RIN2: variants seen among roughly 807,000 people sequenced by gnomAD.
The protein encoded by RIN2 is RAB5 interacting protein 2.
Under a neutral mutation model 78.0 loss-of-function variants are expected in RIN2, and 36 were observed. The ratio of observed to expected loss-of-function variants is 0.46; its 90% CI spans 0.35 to 0.61. The LOEUF (loss-of-function observed/expected upper bound fraction) is 0.61. RIN2 is among the 20% of genes least tolerant of loss of function. The pLI is 0.00. For synonymous variants in RIN2, 466 were observed against 466.8 expected (o/e 1.00, Z 0.02); for missense variants, 1,087 against 1,159.7 (o/e 0.94, Z 0.91).
intron 4 of RIN2, among the ~76,000 whole-genome samples, chr20:19,936,981 C>T (rs1360138712): frequency 1.3e-5 from 2 of 152,120 alleles, no homozygotes; most frequent in African/African-American, 4.8e-5. Context: ...TGTTCTAAGT[C>T]GCTTATAGCG....
chr20:19,825,324 G>A (rs896730622), intron 2 of RIN2, among the ~76,000 whole-genome samples: 11 of 152,138 alleles, frequency 7.2e-5, no homozygotes, highest in African/African-American at 2.7e-4. Context: ...GTCACCCAGC[G>A]GTCTGAGGCC....
chr20:19,924,512 C>T (rs111212270), intron 3 of RIN2, among the ~76,000 whole-genome samples: 461 of 3,690 alleles, frequency 0.12, 26 homozygotes, highest in East Asian at 0.5. Context: ...CCCACCTTCA[C>T]ACTCCCACCT....
intron 5 of RIN2, among the ~76,000 whole-genome samples, chr20:19,958,671 C>A (rs1327456378): frequency 6.6e-6 from 1 of 152,222 alleles, no homozygotes; most frequent in Non-Finnish European, 1.5e-5. Flanking sequence ...GAGTTCGAGA[C>A]CAGCCTGGCC....
intron 9 of RIN2, among the ~76,000 whole-genome samples, chr20:19,984,380 A>G (rs2042562026): frequency 6.6e-6 from 1 of 152,202 alleles, no homozygotes; most frequent in African/African-American, 2.4e-5. Context: ...CATGTGACAT[A>G]CTGAACAGTG....
chr20:19,886,775 A>G (rs1458644696), intron 2 of RIN2: 2 of 1,526,688 alleles, frequency 1.3e-6, no homozygotes, highest in South Asian at 2.5e-5. Flanking sequence ...AGCCTCTCAA[A>G]CTACGGTACC....
chr20:19,808,934 G>A (rs1187273551), intron 2 of RIN2, among the ~76,000 whole-genome samples: 6 of 152,182 alleles, frequency 3.9e-5, no homozygotes, highest in Non-Finnish European at 5.9e-5. Context: ...GGTCCAGGGC[G>A]TGGTCCAAGG....
At chr20:19,969,412 T>C (rs1054084436) in intron 7 of RIN2, among the ~76,000 whole-genome samples, 1 of 152,158 alleles carries the variant, frequency 6.6e-6, no homozygotes, top group Non-Finnish European at 1.5e-5. Flanking sequence ...TCACTCTGCC[T>C]GGAAGGTCCT....
chr20:19,980,464 A>G (rs2042411645), intron 9 of RIN2, among the ~76,000 whole-genome samples: 2 of 152,178 alleles, frequency 1.3e-5, no homozygotes. Flanking sequence ...CTGTTAGCTC[A>G]GTAATTCGGA....
At chr20:19,902,921 G>A (rs1482773730) in intron 3 of RIN2, among the ~76,000 whole-genome samples, 1 of 151,844 alleles carries the variant, frequency 6.6e-6, no homozygotes, top group Non-Finnish European at 1.5e-5. Flanking sequence ...GTGAAACCCC[G>A]TCTCTACTAA....
At chr20:19,938,893 G>C (rs1465180800) in intron 4 of RIN2, among the ~76,000 whole-genome samples, 2 of 152,128 alleles carry the variant, frequency 1.3e-5, no homozygotes, top group Non-Finnish European at 2.9e-5. Flanking sequence ...TGCCCACTCA[G>C]GAAGTGTTCC....
chr20:19,956,566 G>C, intron 4 of RIN2, 49 bp from the exon 5 acceptor site: 1 of 1,570,644 alleles, frequency 6.4e-7, no homozygotes, highest in Non-Finnish European at 8.7e-7. Context: ...CTCCTTGTTA[G>C]GGAAATGGTA....
chr20:19,811,358 C>T (rs1568773868), intron 2 of RIN2, among the ~76,000 whole-genome samples: 1 of 152,124 alleles, frequency 6.6e-6, no homozygotes, highest in Non-Finnish European at 1.5e-5. Flanking sequence ...GGGTGTTTAT[C>T]CACAACTTCC....
rs144022611 is a variant in RIN2, at chr20:19,948,586, G to A, written c.159-8029G>A. Among the ~76,000 whole-genome samples the A allele has an allele frequency of 2.1e-4, 32 of 151,966 alleles. 2 individuals are homozygous for A. In the East Asian group the frequency reaches 6.2e-3, roughly 29 times the overall value. On this transcript the variant is annotated intron_variant, in intron 4 of 12. Coordinates refer to ENST00000255006, the MANE Select transcript of RIN2 (RefSeq NM_018993.4). ...ATTTTTGTACTTTTAGTAAAGACAGGGTTTCACCATGTTGGCCAGGCTGGT... is the reference window on the plus strand; with the variant it reads ...ATTTTTGTACTTTTAGTAAAGACAGAGTTTCACCATGTTGGCCAGGCTGGT...
chr20:19,980,422 C>A (rs184325585), intron 9 of RIN2, among the ~76,000 whole-genome samples: 1 of 152,252 alleles, frequency 6.6e-6, no homozygotes, highest in Admixed American at 6.5e-5. Flanking sequence ...TGACCCTGAG[C>A]CCCTGACTCC....
At chr20:19,795,356 ATTGT>A (rs1451365833) in intron 1 of RIN2, among the ~76,000 whole-genome samples, 3 of 152,044 alleles carry the variant, frequency 2.0e-5, no homozygotes, top group Non-Finnish European at 4.4e-5. Context: ...TATTTTTTAG[ATTGT>A]TTGGGTTTGG....
chr20:19,919,107 T>C (rs1373957874), intron 3 of RIN2, among the ~76,000 whole-genome samples: 1 of 152,200 alleles, frequency 6.6e-6, no homozygotes, highest in Non-Finnish European at 1.5e-5. Flanking sequence ...AGCAACTGTT[T>C]GCCATGTGGG....
At chr20:19,902,292 C>T (rs1003361120) in intron 3 of RIN2, among the ~76,000 whole-genome samples, 1 of 152,172 alleles carries the variant, frequency 6.6e-6, no homozygotes, top group African/African-American at 2.4e-5. Flanking sequence ...GATGCTGACT[C>T]TGTGCCTCAG....
At chr20:19,931,058 G>A (rs1418681388) in intron 3 of RIN2, among the ~76,000 whole-genome samples, 1 of 151,982 alleles carries the variant, frequency 6.6e-6, no homozygotes, top group Non-Finnish European at 1.5e-5. Context: ...AGACCAGCCT[G>A]CACAACATGG....
chr20:19,955,534 G>A (rs4438558), intron 4 of RIN2, among the ~76,000 whole-genome samples: 7,220 of 152,006 alleles, frequency 0.047, 290 homozygotes, highest in East Asian at 0.15. Context: ...ATGGAATTTC[G>A]TCAGGTTCCA....
Sources: gnomAD v4.1 joint callset for allele counts (sites outside exome capture counted in the v4.1 genomes callset) on GRCh38, gnomAD v4.1.1 for gene constraint, MANE v1.5 for transcripts, NCBI Gene and HGNC (gene_info 2026-07-23, HGNC 2026-07-21) for gene names.